Variants in ATXN1 observed in about 807,000 individuals in gnomAD.
The protein encoded by ATXN1 is ataxin 1, also known as ataxin-1.
Under a neutral mutation model 56.4 loss-of-function variants are expected in ATXN1, and 8 were observed. That is an observed-to-expected ratio of 0.14 (90% confidence interval 0.08 to 0.26). The LOEUF (loss-of-function observed/expected upper bound fraction) is 0.26, where lower values mean the gene tolerates loss of function less well. Among genes scored for constraint, ATXN1 ranks in the 10% least tolerant of loss-of-function variants. ATXN1 has a pLI of 1.00. For missense variants in ATXN1, 987 were observed against 1,106.5 expected, an observed-to-expected ratio of 0.89 and a Z score of 1.53; for synonymous variants, 514 against 494.6, an observed-to-expected ratio of 1.04 and a Z score of -0.52.
At chr6:16,343,132 C>G (rs535416924) in intron 6 of ATXN1, among the ~76,000 whole-genome samples, 14 of 152,316 alleles carry the variant, frequency 9.2e-5, no homozygotes, top group Admixed American at 8.5e-4. Context: ...ATCACAAGGT[C>G]AGGAGATCAA....
In ATXN1 at chr6:16,327,907, T is replaced by C. The variant is rs1760878079; in HGVS notation, c.404A>G (p.Tyr135Cys). 1.2e-6 allele frequency: 2 copies of C among 1,609,346 alleles called. No homozygotes were observed. Among genetic ancestry groups the C allele is most frequent in the Non-Finnish European group, 1.7e-6 (2 of 1,179,920 alleles). ...HTFQFIGSSQYSGTYASFIPS... is the reference protein window; with the variant it reads ...HTFQFIGSSQCSGTYASFIPS... ...GATGAAGCTGGCATAGGTTCCACTG[T>C]ATTGGGAGGACCCAATGAACTGGAA... The change falls in exon 7 of 8, where the codon TAC (tyrosine) becomes TGC (cysteine). Residue 135 changes from tyrosine to cysteine, a missense_variant. Around this residue, in one of 3 missense-constraint regions of ATXN1, gnomAD observed 723 missense variants for 791.7 expected, o/e 0.91. Transcript: ENST00000436367.
chr6:16,708,696 G>GA (rs972237841), intron 2 of ATXN1, among the ~76,000 whole-genome samples: 24 of 149,900 alleles, frequency 1.6e-4, no homozygotes, highest in African/African-American at 3.7e-4. Flanking sequence ...CCTAGGAACA[G>GA]AAAAAAAAAG....
At chr6:16,406,674 T>C (rs150737473) in intron 6 of ATXN1, among the ~76,000 whole-genome samples, 1,605 of 152,344 alleles carry the variant, frequency 0.011, 11 homozygotes, top group Non-Finnish European at 0.015. Flanking sequence ...AGCATGCTTA[T>C]ACTGGTCCAA....
intron 4 of ATXN1, among the ~76,000 whole-genome samples, chr6:16,531,662 CCTT>C (rs1484128501): frequency 1.3e-5 from 2 of 149,754 alleles, no homozygotes; most frequent in Non-Finnish European, 1.5e-5. Flanking sequence ...ATGTTAGAAA[CCTT>C]TTGGTCACAT....
chr6:16,745,109 T>C (rs1227156733), intron 2 of ATXN1, among the ~76,000 whole-genome samples: 19 of 152,194 alleles, frequency 1.2e-4, no homozygotes, highest in Admixed American at 1.2e-3. Context: ...AAAGAGCCTA[T>C]TAAATTAGCC....
chr6:16,327,648 C>A lies in ATXN1; in HGVS notation c.663G>T (p.Gln221His), dbSNP rs1386257856. 1 of 1,523,810 alleles carries A rather than the reference C, an allele frequency of 6.6e-7. No homozygotes were observed. The highest frequency in any genetic ancestry group is 8.8e-7 in the Non-Finnish European group (1 of 1,142,720). The allele number at this position is 1,523,810 out of a possible 1,614,324, so 94.4% of individuals were successfully genotyped here. A position where few individuals can be genotyped will look rare whatever the true frequency, so the allele number is the denominator to read the frequency against. The change falls in exon 7 of 8, where the codon CAG (glutamine) becomes CAT (histidine). Residue 221 changes from glutamine (Q) to histidine (H), a missense_variant. Around this residue, in one of 3 missense-constraint regions of ATXN1, gnomAD observed 723 missense variants for 791.7 expected, o/e 0.91. Transcript: ENST00000436367. ...HQQQQQQQQQ[Q>H]QQQQHLSRAP... ...CCCTGCTGAGGTGCTGCTGCTGCTG[C>A]TGCTGCTGCTGCTGCTGCTGCTGCT...
At position 16,633,403 on chromosome 6, in the gene ATXN1, G is replaced by A. The variant is rs114908784; in HGVS notation, c.-489+24373C>T. Among the ~76,000 whole-genome samples the A allele has an allele frequency of 1.6e-3, 243 of 152,250 alleles. 1 individual carries two copies. Among genetic ancestry groups the A allele is most frequent in the African/African-American group, 5.7e-3 (236 of 41,502 alleles). On this transcript the variant is annotated intron_variant, in intron 3 of 7. Transcript: ENST00000436367. ...TCAGTTTTCTTTTCCAGTTTTGGAA[G>A]GGAAAGCCCTTGAAACAAACATGAC...
chr6:16,408,535 A>T (rs949482660), intron 6 of ATXN1, among the ~76,000 whole-genome samples: 1 of 151,822 alleles, frequency 6.6e-6, no homozygotes, highest in African/African-American at 2.4e-5. Flanking sequence ...AAAAAAAGTT[A>T]ACAGTAACTC....
chr6:16,692,062 G>C (rs566614864), intron 2 of ATXN1, among the ~76,000 whole-genome samples: 1 of 152,166 alleles, frequency 6.6e-6, no homozygotes, highest in South Asian at 2.1e-4. Context: ...TCAGGAGTTC[G>C]AGACCAGCCT....
chr6:16,513,699 G>A (rs1391425118), intron 5 of ATXN1, among the ~76,000 whole-genome samples: 3 of 152,108 alleles, frequency 2.0e-5, no homozygotes, highest in Non-Finnish European at 4.4e-5. Flanking sequence ...GAAGAAGTGG[G>A]AGAAACTTCA....
intron 6 of ATXN1, among the ~76,000 whole-genome samples, chr6:16,466,218 G>A (rs771457466): frequency 2.6e-5 from 4 of 150,984 alleles, no homozygotes; most frequent in Non-Finnish European, 5.9e-5. Context: ...GGGAGGCTGA[G>A]GCAGGAGAAT....
chr6:16,644,736 C>T (rs1763772202), intron 3 of ATXN1, among the ~76,000 whole-genome samples: 1 of 152,014 alleles, frequency 6.6e-6, no homozygotes, highest in South Asian at 2.1e-4. Flanking sequence ...GTGCCAGGAA[C>T]GGGAAGGGAT....
At chr6:16,340,385 C>T (rs866001110) in intron 6 of ATXN1, among the ~76,000 whole-genome samples, 2 of 152,156 alleles carry the variant, frequency 1.3e-5, no homozygotes, top group African/African-American at 4.8e-5. Flanking sequence ...CGTGAGCTTC[C>T]CTGGTTGGTG....
chr6:16,434,808 G>A (rs779613170), intron 6 of ATXN1, among the ~76,000 whole-genome samples: 16 of 152,324 alleles, frequency 1.1e-4, no homozygotes, highest in African/African-American at 1.9e-4. Flanking sequence ...CTTAGTTGGG[G>A]AGAAAAGACA....
chr6:16,723,792 TAA>T (rs57611705), intron 2 of ATXN1, among the ~76,000 whole-genome samples: 2 of 151,850 alleles, frequency 1.3e-5, no homozygotes, highest in East Asian at 3.9e-4. Flanking sequence ...CAAAAGCCAT[TAA>T]AAAAATAGCC....
intron 3 of ATXN1, among the ~76,000 whole-genome samples, chr6:16,651,700 A>G (rs768964213): frequency 6.6e-6 from 1 of 152,214 alleles, no homozygotes; most frequent in Non-Finnish European, 1.5e-5. Flanking sequence ...GAAGACACCT[A>G]TGTGATATCC....
chr6:16,592,589 C>T (rs770366178), intron 3 of ATXN1, among the ~76,000 whole-genome samples: 43 of 152,088 alleles, frequency 2.8e-4, no homozygotes, highest in Admixed American at 1.3e-3. Flanking sequence ...CTTTTCTCCA[C>T]GCCCCAAGAT....
In ATXN1 at chr6:16,607,456, G is replaced by A. The variant is rs560997570; in HGVS notation, c.-488-21549C>T. ...TCATGATCCACTTAATTGATATTGC[G>A]CTGCATGGTAATTGAGCTTGGAAAG... is the stretch of plus-strand genomic sequence containing the variant. On this transcript the variant is annotated intron_variant, in intron 3 of 7. Transcript: ENST00000436367. Among the ~76,000 whole-genome samples, 3 of 152,298 alleles carry A rather than the reference G, an allele frequency of 2.0e-5. No homozygotes were observed. The South Asian group carries it at 6.2e-4, about 32-fold the overall frequency.
At chr6:16,448,948 G>A (rs1759688707) in intron 6 of ATXN1, among the ~76,000 whole-genome samples, 1 of 152,206 alleles carries the variant, frequency 6.6e-6, no homozygotes, top group South Asian at 2.1e-4. Flanking sequence ...GGTTAAAGGG[G>A]ATAGCAAGAG....
Sources: gnomAD v4.1 joint callset for allele counts (sites outside exome capture counted in the v4.1 genomes callset) on GRCh38, gnomAD v4.1.1 for gene constraint, gnomAD v4.1.1 regional missense constraint, MANE v1.5 for transcripts, NCBI Gene and HGNC (gene_info 2026-07-23, HGNC 2026-07-21) for gene names.